LRFN5: variants seen among roughly 807,000 people sequenced by gnomAD.
LRFN5 encodes leucine rich repeat and fibronectin type III domain containing 5.
LRFN5 carries 24 observed loss-of-function variants against 45.6 expected under a neutral mutation model. The ratio of observed to expected loss-of-function variants is 0.53; its 90% confidence interval spans 0.38 to 0.74. The LOEUF (loss-of-function observed/expected upper bound fraction) is 0.74. Ranked by LOEUF, LRFN5 falls within the 30% of genes least tolerant of loss-of-function variation. The pLI, the probability that LRFN5 is intolerant of heterozygous loss-of-function variation, is 0.00. For synonymous variants in LRFN5, 340 were observed against 313.8 expected (o/e 1.08, Z -0.88); for missense variants, 776 against 861.5 (o/e 0.90, Z 1.24).
intron 2 of LRFN5, among the ~76,000 whole-genome samples, 179 bp from the exon 3 acceptor site, chr14:41,886,427 G>A (rs1890573643): frequency 6.6e-6 from 1 of 152,092 alleles, no homozygotes; most frequent in African/African-American, 2.4e-5. Flanking sequence ...TCAATGGTAT[G>A]TTATTCCTCC....
At chr14:41,723,723 G>C (rs976412361) in intron 1 of LRFN5, among the ~76,000 whole-genome samples, 1 of 152,044 alleles carries the variant, frequency 6.6e-6, no homozygotes, top group Admixed American at 6.5e-5. Flanking sequence ...CTGTGACCAT[G>C]GAGAGCACAA....
chr14:41,838,586 TCTC>T (rs1888747012), intron 2 of LRFN5, among the ~76,000 whole-genome samples: 1 of 152,086 alleles, frequency 6.6e-6, no homozygotes, highest in East Asian at 1.9e-4. Flanking sequence ...CTCTCCCTGT[TCTC>T]CTTGAGGTTT....
chr14:41,785,261 G>A (rs1026261151), intron 2 of LRFN5, among the ~76,000 whole-genome samples: 3 of 151,922 alleles, frequency 2.0e-5, no homozygotes, highest in Non-Finnish European at 4.4e-5. Flanking sequence ...TATAATTTAT[G>A]CAATTATTGA....
intron 2 of LRFN5, among the ~76,000 whole-genome samples, chr14:41,781,614 AAGAG>A (rs1223165047): frequency 2.6e-4 from 23 of 88,172 alleles, no homozygotes; most frequent in Middle Eastern, 4.6e-3. Context: ...GAAAGAAAGA[AAGAG>A]AAAGAAAGAA....
intron 1 of LRFN5, among the ~76,000 whole-genome samples, chr14:41,755,272 C>T (rs1297798933): frequency 6.6e-6 from 1 of 152,136 alleles, no homozygotes; most frequent in East Asian, 1.9e-4. Context: ...CTGTAGATGT[C>T]TATTAGGTCC....
At chr14:41,888,081 T>A (rs1447605290) in intron 3 of LRFN5, 71 bp downstream of exon 3, 1 of 1,167,462 alleles carries the variant, frequency 8.6e-7, no homozygotes, top group African/African-American at 1.5e-5. Context: ...GTACTACTGA[T>A]TTTTTTTAAT....
intron 2 of LRFN5, among the ~76,000 whole-genome samples, chr14:41,822,693 T>A (rs1307730485): frequency 7.9e-5 from 12 of 152,036 alleles, no homozygotes; most frequent in Non-Finnish European, 2.9e-5. Context: ...GTACTCTGTT[T>A]CCTTGTTAGT....
intron 1 of LRFN5, among the ~76,000 whole-genome samples, chr14:41,734,517 T>C (rs1298934122): frequency 1.3e-5 from 2 of 151,056 alleles, no homozygotes; most frequent in Admixed American, 1.3e-4. Flanking sequence ...AATACCTTTT[T>C]TCCATTCTAT....
chr14:41,701,873 C>A (rs1417684235), intron 1 of LRFN5, among the ~76,000 whole-genome samples: 2 of 152,118 alleles, frequency 1.3e-5, no homozygotes, highest in Non-Finnish European at 2.9e-5. Context: ...ACCTAGAAGC[C>A]TTTCAGAAAA....
intron 2 of LRFN5, among the ~76,000 whole-genome samples, chr14:41,787,632 A>G (rs1424243138): frequency 2.0e-5 from 3 of 151,950 alleles, no homozygotes; most frequent in Admixed American, 6.6e-5. Context: ...ACATGGTATT[A>G]TAAGTTCATA....
At chr14:41,878,542 T>C (rs1366272544) in intron 2 of LRFN5, among the ~76,000 whole-genome samples, 1 of 152,158 alleles carries the variant, frequency 6.6e-6, no homozygotes, top group Non-Finnish European at 1.5e-5. Flanking sequence ...TGGAAAATCA[T>C]TTTTCAGTTT....
At position 41,734,341 on chromosome 14, in the gene LRFN5, TA is replaced by T. The variant is rs1884327516; in HGVS notation, c.-196-32512del. 1.1e-4 allele frequency among the ~76,000 whole-genome samples: 12 copies of T among 112,996 alleles called. No individual in the cohort carries two copies. The South Asian group carries it at 2.6e-3, about 24-fold the overall frequency. 74.1% of individuals were successfully genotyped at this position (112,996 alleles called of 152,430 possible). A position where few individuals can be genotyped will look rare whatever the true frequency, so the allele number is the denominator to read the frequency against. Reference sequence around the variant, plus strand: ...TTATATATATATATATATATATATATATATTTAAATTTGCTGTAACTTATTG... The same window carrying T: ...TTATATATATATATATATATATATATTATTTAAATTTGCTGTAACTTATTG... On this transcript the variant is annotated intron_variant, in intron 1 of 5. Coordinates refer to ENST00000298119, the MANE Select transcript of LRFN5 (RefSeq NM_152447.5).
intron 2 of LRFN5, among the ~76,000 whole-genome samples, chr14:41,835,957 G>A (rs1265822808): frequency 2.7e-5 from 4 of 147,106 alleles, no homozygotes; most frequent in African/African-American, 1.0e-4. Flanking sequence ...CTTTGAAAAT[G>A]TGGCTTTCAA....
chr14:41,622,238 T>C (rs902963419), intron 1 of LRFN5, among the ~76,000 whole-genome samples: 1 of 152,060 alleles, frequency 6.6e-6, no homozygotes, highest in Non-Finnish European at 1.5e-5. Context: ...GATATTTTGG[T>C]TTGATAATTA....
At chr14:41,780,800 T>G (rs1886454386) in intron 2 of LRFN5, among the ~76,000 whole-genome samples, 2 of 152,086 alleles carry the variant, frequency 1.3e-5, no homozygotes, top group South Asian at 4.1e-4. Context: ...TTTTATATGA[T>G]TCCACCTTCT....
At chr14:41,738,511 T>C (rs1241316809) in intron 1 of LRFN5, among the ~76,000 whole-genome samples, 1 of 152,220 alleles carries the variant, frequency 6.6e-6, no homozygotes, top group Non-Finnish European at 1.5e-5. Flanking sequence ...CTAACCCCTT[T>C]ATTTTTAAAT....
At chr14:41,748,304 A>G (rs1378612179) in intron 1 of LRFN5, among the ~76,000 whole-genome samples, 8 of 152,124 alleles carry the variant, frequency 5.3e-5, no homozygotes, top group Admixed American at 5.2e-4. Context: ...GGCTAAGGTA[A>G]TGGTATATAT....
intron 2 of LRFN5, among the ~76,000 whole-genome samples, chr14:41,856,773 TTCACGCCATTC>T (rs1433814214): frequency 1.4e-5 from 2 of 139,586 alleles, no homozygotes; most frequent in Admixed American, 1.5e-4. Context: ...GCCTTCCGGG[TTCACGCCATTC>T]TCCTGCCTCA....
intron 1 of LRFN5, among the ~76,000 whole-genome samples, chr14:41,722,503 A>T (rs1207477072): frequency 6.7e-5 from 10 of 150,220 alleles, no homozygotes; most frequent in Admixed American, 5.3e-4. Context: ...AATTTTTATA[A>T]TCATTTTCAT....
Sources: allele counts gnomAD v4.1 joint callset (sites outside exome capture counted in the v4.1 genomes callset), GRCh38; gene constraint gnomAD v4.1.1; transcripts MANE v1.5; gene names NCBI Gene and HGNC (gene_info 2026-07-23, HGNC 2026-07-21).